Variants in DNAH8 observed in about 807,000 individuals in gnomAD.
The protein encoded by DNAH8 is axonemal beta dynein heavy chain 8.
Under a neutral mutation model 562.1 loss-of-function variants are expected in DNAH8, and 382 were observed. The observed-to-expected ratio is 0.68, with a 90% CI of 0.63 to 0.74. DNAH8 has a LOEUF of 0.74. Among genes scored for constraint, DNAH8 ranks in the 30% least tolerant of loss-of-function variants. The pLI, the probability that DNAH8 is intolerant of heterozygous loss-of-function variation, is 0.00. For missense variants in DNAH8, 5,203 were observed against 5,620.4 expected (o/e 0.93, Z 2.37); for synonymous variants, 1,881 against 1,919.4 (o/e 0.98, Z 0.52).
At chr6:38,729,829 A>T in intron 3 of DNAH8, 73 bp from the exon 4 acceptor site, 3 of 794,610 alleles carry the variant, frequency 3.8e-6, no homozygotes, top group Non-Finnish European at 6.2e-6. Context: ...TTTGAGCTTC[A>T]TCTTCTTCAT....
intron 28 of DNAH8, among the ~76,000 whole-genome samples, 154 bp downstream of exon 28, chr6:38,823,842 CA>C (rs1562910158): frequency 6.6e-6 from 1 of 151,086 alleles, no homozygotes; most frequent in Non-Finnish European, 1.5e-5. Context: ...AGTATTATAC[CA>C]AGATATATTA....
At chr6:38,940,454 C>G (rs1382804841) in intron 79 of DNAH8, among the ~76,000 whole-genome samples, 1 of 152,026 alleles carries the variant, frequency 6.6e-6, no homozygotes, top group African/African-American at 2.4e-5. Context: ...CAGAATAGGC[C>G]AGGTTTTGCT....
intron 86 of DNAH8, among the ~76,000 whole-genome samples, chr6:38,983,057 C>T (rs1583503673): frequency 6.6e-6 from 1 of 152,178 alleles, no homozygotes; most frequent in African/African-American, 2.4e-5. Context: ...AAGAGACTTC[C>T]TCAAGGTCAC....
At chr6:38,986,035 C>T (rs1215710361) in intron 87 of DNAH8, among the ~76,000 whole-genome samples, 1 of 152,194 alleles carries the variant, frequency 6.6e-6, no homozygotes, top group East Asian at 1.9e-4. Flanking sequence ...CATACTATTG[C>T]TCACCCTTGT....
At chr6:38,807,589 T>C in intron 23 of DNAH8, 21 bp from the exon 24 acceptor site, 2 of 1,362,874 alleles carry the variant, frequency 1.5e-6, no homozygotes, top group Non-Finnish European at 2.0e-6. Flanking sequence ...ATACCAAATT[T>C]AATCTGATTT....
At chr6:38,746,228 G>T (rs1412682055) in intron 8 of DNAH8, among the ~76,000 whole-genome samples, 1 of 151,978 alleles carries the variant, frequency 6.6e-6, no homozygotes, top group Non-Finnish European at 1.5e-5. Flanking sequence ...TCATGCTTTT[G>T]GTTATAATCG....
intron 21 of DNAH8, among the ~76,000 whole-genome samples, chr6:38,796,813 C>T (rs920868823): frequency 6.6e-6 from 1 of 152,006 alleles, no homozygotes; most frequent in African/African-American, 2.4e-5. Flanking sequence ...ATGAGCCCGC[C>T]GATGCTCCCA....
chr6:38,805,660 C>T, intron 23 of DNAH8, 64 bp downstream of exon 23: 1 of 877,856 alleles, frequency 1.1e-6, no homozygotes, highest in Non-Finnish European at 1.8e-6. Flanking sequence ...TATAGATAAC[C>T]CCATATGGTG....
intron 24 of DNAH8, among the ~76,000 whole-genome samples, chr6:38,810,511 G>T (rs1245541452): frequency 6.6e-6 from 1 of 152,074 alleles, no homozygotes; most frequent in East Asian, 1.9e-4. Flanking sequence ...AGAATCGCTT[G>T]AACCTGGGAG....
intron 89 of DNAH8, among the ~76,000 whole-genome samples, 174 bp from the exon 90 acceptor site, chr6:39,012,041 G>T (rs535730003): frequency 1.6e-4 from 25 of 152,254 alleles, no homozygotes; most frequent in Non-Finnish European, 3.4e-4. Context: ...TTTTGGAAAC[G>T]CAGGAAATGG....
rs760440338 is a variant in DNAH8, at chr6:38,984,306, G to A, written c.13052G>A (p.Arg4351Lys). Residue 4351 changes from arginine to lysine, a missense_variant and splice_region_variant, in exon 87 of 93, where the codon AGA becomes AAA. Arg to Lys is a conservative substitution (Grantham distance 26, BLOSUM62 2). Around this residue, in one of 6 missense-constraint regions of DNAH8, gnomAD observed 1,399 missense variants for 1,518.4 expected, o/e 0.92. Coordinates refer to ENST00000327475, the MANE Select transcript of DNAH8 (RefSeq NM_001206927.2). Reference protein sequence around the residue: ...FDKRLLNCFARVWFSEKMFEP... With the variant: ...FDKRLLNCFAKVWFSEKMFEP... The stretch of plus-strand genomic sequence containing the variant: ...AAACGTCTACTTAATTGCTTTGCCA[G>A]AGTAAGTCAATTTAGAAAAATAAAG... 2.5e-6 allele frequency: 4 copies of A among 1,585,180 alleles called. No individual in the cohort carries two copies. In the Admixed American group the frequency reaches 5.0e-5, roughly 20 times the overall value.
At chr6:38,968,713 A>C (rs997606251) in intron 82 of DNAH8, among the ~76,000 whole-genome samples, 11 of 152,208 alleles carry the variant, frequency 7.2e-5, no homozygotes, top group African/African-American at 2.4e-4. Context: ...CTGCTTTGGA[A>C]AACAGTCTAG....
rs748898640 is a variant in DNAH8, at chr6:38,924,181, A to G, written c.10962+19A>G. The G allele has an allele frequency of 2.4e-5, 38 of 1,608,154 alleles. No individual in the cohort carries two copies. The highest frequency in any genetic ancestry group is 6.7e-5 in the Admixed American group (4 of 59,540). On this transcript the variant is annotated intron_variant, in intron 73 of 92. Coordinates refer to ENST00000327475, the MANE Select transcript of DNAH8 (RefSeq NM_001206927.2). ...TCCAACTGTAAGTTTTACTTTCCCA[A>G]TGTTATTTGAATTTCAGTCTCATTT...
intron 12 of DNAH8, among the ~76,000 whole-genome samples, chr6:38,774,067 C>G (rs1027988371): frequency 6.6e-6 from 1 of 152,112 alleles, no homozygotes; most frequent in Non-Finnish European, 1.5e-5. Flanking sequence ...CAGGTATAGA[C>G]TTGATGGTGC....
intron 61 of DNAH8, among the ~76,000 whole-genome samples, chr6:38,898,593 G>C (rs1779863824): frequency 6.6e-6 from 1 of 152,096 alleles, no homozygotes; most frequent in Admixed American, 6.6e-5. Context: ...GTCTTTCAAG[G>C]GCAAATAGAT....
At chr6:38,920,375 G>T (rs1356304814) in intron 70 of DNAH8, among the ~76,000 whole-genome samples, 1 of 152,112 alleles carries the variant, frequency 6.6e-6, no homozygotes, top group Non-Finnish European at 1.5e-5. Context: ...TAAACATTGA[G>T]AATGAAAATA....
rs537686590 is a variant in DNAH8 at position 38,918,347 on chromosome 6, G to A, written c.10524+207G>A. Among the ~76,000 whole-genome samples, 299 of 152,252 alleles carry A rather than the reference G, an allele frequency of 2.0e-3. 2 individuals are homozygous for A. Among genetic ancestry groups the A allele is most frequent in the South Asian group, 3.9e-3 (19 of 4,816 alleles). On this transcript the variant is annotated intron_variant, in intron 70 of 92. Coordinates refer to ENST00000327475, the MANE Select transcript of DNAH8 (RefSeq NM_001206927.2). ...TTCTTGACAATGCAGGCAAGTGACTGAAACCAACATGTTAACTTACACAGG... is the reference window on the plus strand; with the variant it reads ...TTCTTGACAATGCAGGCAAGTGACTAAAACCAACATGTTAACTTACACAGG...
At chr6:38,759,310 AAAAC>A (rs77729842) in intron 10 of DNAH8, among the ~76,000 whole-genome samples, 27,717 of 151,040 alleles carry the variant, frequency 0.18, 2,697 homozygotes, top group Middle Eastern at 0.21. Context: ...CCTGTCTCAA[AAAAC>A]AAACAAACAA....
chr6:38,838,980 A>C (rs1181171894), intron 33 of DNAH8, among the ~76,000 whole-genome samples: 1 of 152,226 alleles, frequency 6.6e-6, no homozygotes, highest in African/African-American at 2.4e-5. Flanking sequence ...TTTCATGAAA[A>C]TAGACATGAA....
Sources: gnomAD v4.1 joint callset for allele counts (sites outside exome capture counted in the v4.1 genomes callset) on GRCh38, gnomAD v4.1.1 for gene constraint, gnomAD v4.1.1 regional missense constraint, MANE v1.5 for transcripts, NCBI Gene and HGNC (gene_info 2026-07-23, HGNC 2026-07-21) for gene names.